The following ADAM12 variants were observed in gnomAD, a reference collection of about 807,000 sequenced individuals.
The protein encoded by ADAM12 is disintegrin and metalloproteinase domain-containing protein 12.
In ADAM12, 70 loss-of-function variants were observed where a neutral mutation model predicts 106.4. The ratio of observed to expected loss-of-function variants is 0.66; its 90% CI spans 0.54 to 0.80. The LOEUF (loss-of-function observed/expected upper bound fraction) is 0.80. Among genes scored for constraint, ADAM12 ranks in the 30% least tolerant of loss-of-function variants. The probability of loss-of-function intolerance (pLI) is 0.00; values close to 1 mark genes in which losing one functional copy is unlikely to be tolerated. For synonymous variants in ADAM12, 420 were observed against 433.5 expected, an observed-to-expected ratio of 0.97 and a Z score of 0.39; for missense variants, 1,010 against 1,171.9, an observed-to-expected ratio of 0.86 and a Z score of 2.02.
At chr10:126,042,322 A>C in intron 18 of ADAM12, 3 of 1,533,296 alleles carry the variant, frequency 2.0e-6, no homozygotes, top group Non-Finnish European at 2.6e-6. Context: ...CCAGTAAACC[A>C]TTTCTAAAGG....
intron 1 of ADAM12, among the ~76,000 whole-genome samples, chr10:126,365,116 G>T (rs1855865837): frequency 6.6e-6 from 1 of 152,066 alleles, no homozygotes; most frequent in Admixed American, 6.6e-5. Flanking sequence ...CAGTATGATT[G>T]GTGACTCTCA....
At chr10:126,282,962 G>A (rs1959659997) in intron 2 of ADAM12, among the ~76,000 whole-genome samples, 1 of 151,924 alleles carries the variant, frequency 6.6e-6, no homozygotes, top group African/African-American at 2.4e-5. Context: ...AATACATAAT[G>A]AAATACAACT....
At chr10:126,154,155 T>G (rs1031942391) in intron 4 of ADAM12, among the ~76,000 whole-genome samples, 1 of 152,356 alleles carries the variant, frequency 6.6e-6, no homozygotes, top group African/African-American at 2.4e-5. Flanking sequence ...GGGTCTTGAA[T>G]AGCCCTTTGG....
chr10:126,267,153 CTAGAAAGAGTCCA>C (rs1245415885), intron 3 of ADAM12, among the ~76,000 whole-genome samples: 3 of 152,156 alleles, frequency 2.0e-5, no homozygotes, highest in African/African-American at 7.2e-5. Context: ...GGAAGCAGCT[CTAGAAAGAGTCCA>C]GGGAAGTCAG....
At chr10:126,031,728 T>G (rs1953974377) in intron 21 of ADAM12, among the ~76,000 whole-genome samples, 1 of 152,176 alleles carries the variant, frequency 6.6e-6, no homozygotes, top group Non-Finnish European at 1.5e-5. Context: ...TATTATATGT[T>G]GCATATAATA....
At chr10:126,095,752 A>G (rs1452065983) in intron 10 of ADAM12, among the ~76,000 whole-genome samples, 1 of 151,942 alleles carries the variant, frequency 6.6e-6, no homozygotes, top group Admixed American at 6.6e-5. Flanking sequence ...GAGAGTCCTC[A>G]CCCTCAAGAA....
At chr10:126,059,122 C>CTATAACT (rs1187805147) in intron 14 of ADAM12, among the ~76,000 whole-genome samples, 3 of 152,142 alleles carry the variant, frequency 2.0e-5, no homozygotes, top group African/African-American at 7.2e-5. Flanking sequence ...CTTCAGAGTG[C>CTATAACT]TATAACTTAT....
intron 1 of ADAM12, among the ~76,000 whole-genome samples, chr10:126,378,519 C>G (rs1319974126): frequency 6.6e-6 from 1 of 151,926 alleles, no homozygotes; most frequent in Non-Finnish European, 1.5e-5. Flanking sequence ...AGTAGGGTAC[C>G]ATTTACTTAA....
At chr10:126,096,639 C>G (rs1475590766) in intron 10 of ADAM12, among the ~76,000 whole-genome samples, 1 of 152,230 alleles carries the variant, frequency 6.6e-6, no homozygotes, top group East Asian at 1.9e-4. Context: ...TGTAACTTTA[C>G]AGACACAGGA....
At chr10:126,136,744 C>T (rs1342109464) in intron 4 of ADAM12, among the ~76,000 whole-genome samples, 13 of 152,080 alleles carry the variant, frequency 8.5e-5, no homozygotes, top group Non-Finnish European at 1.5e-5. Context: ...TTGGTCTCAA[C>T]GTAGATGACA....
rs191174138 is a variant in ADAM12, at chr10:126,216,125, A to T, written c.261-60820T>A. Among the ~76,000 whole-genome samples the T allele has an allele frequency of 2.0e-5, 3 of 152,280 alleles. No homozygotes were observed. In the East Asian group the frequency reaches 5.8e-4, roughly 29 times the overall value. On this transcript the variant is annotated intron_variant, in intron 3 of 22. Coordinates refer to ENST00000448723, the MANE Select transcript of ADAM12 (RefSeq NM_001288973.2). ...TGCTTCTTTTAAAACAGTCTGAGAG[A>T]TTACAGAGAAGATAGTGAAACTCCC...
intron 1 of ADAM12, among the ~76,000 whole-genome samples, chr10:126,385,422 C>G (rs751717397): frequency 6.6e-6 from 1 of 152,078 alleles, no homozygotes; most frequent in Non-Finnish European, 1.5e-5. Context: ...CTCTTAATAC[C>G]CCAGAGATTC....
At chr10:126,366,533 G>C (rs1209974567) in intron 1 of ADAM12, among the ~76,000 whole-genome samples, 8 of 151,948 alleles carry the variant, frequency 5.3e-5, no homozygotes, top group African/African-American at 1.7e-4. Flanking sequence ...AAACATACTG[G>C]GCAAACAGTA....
Position 126,043,695 on chromosome 10 carries a change from C to A in ADAM12, c.1996-547G>T, listed in dbSNP as rs1954239449. 6.6e-6 allele frequency among the ~76,000 whole-genome samples: 1 copy of A among 152,200 alleles called. No homozygotes were observed. The highest frequency in any genetic ancestry group is 2.4e-5 in the African/African-American group (1 of 41,444). On this transcript the variant is annotated intron_variant, in intron 17 of 22. Transcript: ENST00000448723. This position sits in a 1 kb window ranked among gnomAD's most constrained non-coding sequence, Gnocchi z 4.1. ...GCAAAGGAATCCTGTTTCCTGCAAT[C>A]CTAGCAGGGTGCATGGGATTTCCAC...
rs557152750 is a variant in ADAM12, at chr10:126,066,899, A to G, written c.1324-93T>C. On this transcript the variant is annotated intron_variant, in intron 12 of 22. Coordinates refer to ENST00000448723, the MANE Select transcript of ADAM12 (RefSeq NM_001288973.2). The surrounding 1 kb of genome is among the most constrained non-coding windows in gnomAD (Gnocchi z 5.1). ...ACACCTTAAATGGCTGCAAAAAGCA[A>G]GAAAGACCAAGAGGGCCCAGCTCCT... The G allele has an allele frequency of 3.0e-5, 36 of 1,206,192 alleles. No homozygotes were observed. The Admixed American group carries it at 4.1e-4, about 14-fold the overall frequency. 74.7% of individuals were successfully genotyped at this position (1,206,192 alleles called of 1,614,324 possible).
intron 3 of ADAM12, among the ~76,000 whole-genome samples, chr10:126,178,408 C>CTTTTTTTTTT (rs10549268): frequency 9.6e-6 from 1 of 103,898 alleles, no homozygotes; most frequent in African/African-American, 3.3e-5. Flanking sequence ...TGGAGGACAT[C>CTTTTTTTTTT]TTTTTTTTTT....
intron 3 of ADAM12, among the ~76,000 whole-genome samples, chr10:126,206,854 TGGGG>T (rs145374984): frequency 8.3e-4 from 68 of 81,612 alleles, no homozygotes; most frequent in Middle Eastern, 8.5e-3. Flanking sequence ...CCATGTGTTG[TGGGG>T]GCGGGGGGGA....
intron 3 of ADAM12, among the ~76,000 whole-genome samples, chr10:126,198,347 G>A (rs777166326): frequency 9.8e-5 from 15 of 152,294 alleles, no homozygotes; most frequent in Non-Finnish European, 2.1e-4. Flanking sequence ...AGTGTAAGAC[G>A]ACAGAATTTA....
At chr10:126,336,905 G>A (rs59368579) in intron 1 of ADAM12, among the ~76,000 whole-genome samples, 9,879 of 152,238 alleles carry the variant, frequency 0.065, 567 homozygotes, top group East Asian at 0.26. Context: ...ATGACCCTGG[G>A]CAAGTTGCTT....
Sources: allele counts gnomAD v4.1 joint callset (sites outside exome capture counted in the v4.1 genomes callset), GRCh38; gene constraint gnomAD v4.1.1; non-coding constraint Gnocchi (gnomAD v3.1); transcripts MANE v1.5; gene names NCBI Gene and HGNC (gene_info 2026-07-23, HGNC 2026-07-21).